The following UGGT2 variants were observed in gnomAD, a reference collection of about 807,000 sequenced individuals.
The protein encoded by UGGT2 is UDP-glucose:glycoprotein glucosyltransferase 2.
UGGT2 carries 180 observed loss-of-function variants against 192.1 expected under a neutral mutation model. That is an observed-to-expected ratio of 0.94 (90% CI 0.83 to 1.06). The LOEUF is 1.06. UGGT2 is among the 50% of genes least tolerant of loss of function. UGGT2 has a pLI of 0.00. For missense variants in UGGT2, 1,849 were observed against 1,795.7 expected (o/e 1.03, Z -0.54); for synonymous variants, 580 against 591.0 (o/e 0.98, Z 0.27).
intron 29 of UGGT2, among the ~76,000 whole-genome samples, chr13:95,868,507 C>T (rs1890890242): frequency 6.6e-6 from 1 of 152,000 alleles, no homozygotes; most frequent in Non-Finnish European, 1.5e-5. Context: ...TGAAGTAGGA[C>T]GATTGCTTGA....
At chr13:96,014,796 T>A (rs2052276558) in intron 4 of UGGT2, among the ~76,000 whole-genome samples, 1 of 152,184 alleles carries the variant, frequency 6.6e-6, no homozygotes, top group South Asian at 2.1e-4. Context: ...CTATTAAAAT[T>A]ATTCTCATAA....
chr13:95,990,114 T>A (rs2051411143), intron 7 of UGGT2, 41 bp from the exon 8 acceptor site: 3 of 1,310,356 alleles, frequency 2.3e-6, no homozygotes, highest in Non-Finnish European at 2.1e-6. Flanking sequence ...GCATCACCTA[T>A]CACAAACCAT....
intron 1 of UGGT2, among the ~76,000 whole-genome samples, chr13:96,034,730 C>A (rs983929094): frequency 1.3e-5 from 2 of 152,212 alleles, no homozygotes; most frequent in Non-Finnish European, 1.5e-5. Flanking sequence ...TATGCCTGGT[C>A]GAGCCACAGT....
At chr13:95,877,214 C>G in intron 29 of UGGT2, 65 bp downstream of exon 29, 1 of 1,277,014 alleles carries the variant, frequency 7.8e-7, no homozygotes, top group Non-Finnish European at 1.1e-6. Flanking sequence ...TTTTGATTCT[C>G]TTGGTTGTAT....
chr13:95,889,437 A>T (rs1003864130), intron 25 of UGGT2, among the ~76,000 whole-genome samples: 3 of 152,172 alleles, frequency 2.0e-5, no homozygotes, highest in African/African-American at 7.2e-5. Flanking sequence ...ATTCTAAAAA[A>T]AATTGCATTT....
At chr13:95,842,495 A>G (rs1887970322) in intron 36 of UGGT2, among the ~76,000 whole-genome samples, 1 of 152,146 alleles carries the variant, frequency 6.6e-6, no homozygotes, top group Non-Finnish European at 1.5e-5. Flanking sequence ...TATTTGCAGT[A>G]GGCAGTTTCT....
chr13:95,819,073 AC>A (rs1292858829), intron 38 of UGGT2, among the ~76,000 whole-genome samples: 1 of 152,214 alleles, frequency 6.6e-6, no homozygotes, highest in African/African-American at 2.4e-5. Context: ...TAACATTCAT[AC>A]AGTTAATGAA....
chr13:95,816,319 G>A (rs1435368691), intron 38 of UGGT2, among the ~76,000 whole-genome samples: 1 of 152,184 alleles, frequency 6.6e-6, no homozygotes, highest in South Asian at 2.1e-4. Context: ...ACTCTCATAT[G>A]TTGTTAGTTA....
chr13:95,890,130 C>A (rs762212551), intron 25 of UGGT2, among the ~76,000 whole-genome samples: 6 of 152,202 alleles, frequency 3.9e-5, no homozygotes, highest in Non-Finnish European at 1.5e-5. Flanking sequence ...AGAATACAAA[C>A]TCCATGTTTC....
intron 36 of UGGT2, among the ~76,000 whole-genome samples, chr13:95,846,151 A>G (rs7986993): frequency 0.36 from 55,409 of 152,064 alleles, 10,502 homozygotes; most frequent in Non-Finnish European, 0.42. Context: ...CACTGAGTGA[A>G]CGAGACTCCG....
intron 38 of UGGT2, chr13:95,809,381 G>C (rs1245280719): frequency 4.2e-5 from 17 of 404,056 alleles, no homozygotes; most frequent in Admixed American, 2.8e-4. Flanking sequence ...TCCATTTTCT[G>C]CAGGCAAATC....
chr13:95,972,818 T>C (rs2050817888), intron 10 of UGGT2, 147 bp from the exon 11 acceptor site: 2 of 600,784 alleles, frequency 3.3e-6, no homozygotes, highest in Non-Finnish European at 5.9e-6. Flanking sequence ...TATTGATCTC[T>C]GCCTTTGTAT....
chr13:95,973,284 T>G (rs566678069), intron 10 of UGGT2, among the ~76,000 whole-genome samples: 1 of 152,268 alleles, frequency 6.6e-6, no homozygotes, highest in African/African-American at 2.4e-5. Context: ...CCAGCCCTGA[T>G]CTCAGTGATG....
At chr13:95,933,919 C>T (rs950746509) in intron 17 of UGGT2, among the ~76,000 whole-genome samples, 3 of 152,166 alleles carry the variant, frequency 2.0e-5, no homozygotes, top group African/African-American at 7.2e-5. Context: ...CTCCTGACCT[C>T]GTGATCTGCC....
At chr13:96,046,736 A>ACG (rs2139225779) in intron 1 of UGGT2, among the ~76,000 whole-genome samples, 1 of 152,178 alleles carries the variant, frequency 6.6e-6, no homozygotes, top group Admixed American at 6.5e-5. Flanking sequence ...AAGCCGTGAC[A>ACG]GATGGCACCT....
At chr13:95,860,933 T>A (rs34859372) in intron 31 of UGGT2, 50 bp from the exon 32 acceptor site, 1 of 1,123,008 alleles carries the variant, frequency 8.9e-7, no homozygotes, top group African/African-American at 1.6e-5. Flanking sequence ...TATGGAAACA[T>A]TGTATGCCTA....
At chr13:95,827,746 C>G (rs1280757507) in intron 38 of UGGT2, among the ~76,000 whole-genome samples, 1 of 152,164 alleles carries the variant, frequency 6.6e-6, no homozygotes, top group Non-Finnish European at 1.5e-5. Context: ...AGCACTTTGA[C>G]CCACTTCCTT....
At chr13:95,889,987 C>T (rs1290168783) in intron 25 of UGGT2, among the ~76,000 whole-genome samples, 2 of 152,156 alleles carry the variant, frequency 1.3e-5, no homozygotes, top group Non-Finnish European at 2.9e-5. Context: ...ACAGGCAGTG[C>T]CTGAGTCCCT....
At position 95,999,262 on chromosome 13, in the gene UGGT2, G is replaced by A. The variant is rs1449583675; in HGVS notation, c.706C>T (p.Leu236=). 3 of 1,613,574 alleles carry A rather than the reference G, an allele frequency of 1.9e-6. No homozygotes were observed. The highest frequency in any genetic ancestry group is 2.5e-6 in the Non-Finnish European group (3 of 1,179,728). Residue 236 remains leucine, a synonymous_variant, in exon 6 of 39, where the codon CTA becomes TTA. Coordinates refer to ENST00000376747, the MANE Select transcript of UGGT2 (RefSeq NM_020121.4). ...KMYLSGYGVE[L]AIKSTEYKAL... The stretch of plus-strand genomic sequence containing the variant: ...TTGTATTCTGTACTCTTAATTGCTA[G>A]CTCCACACCATACCCAGATAAGTAC...
Sources: allele counts gnomAD v4.1 joint callset (sites outside exome capture counted in the v4.1 genomes callset), GRCh38; gene constraint gnomAD v4.1.1; transcripts MANE v1.5; gene names NCBI Gene and HGNC (gene_info 2026-07-23, HGNC 2026-07-21).